PAX7: variants seen among roughly 807,000 people sequenced by gnomAD.
The protein encoded by PAX7 is paired box 7.
PAX7 carries 18 observed loss-of-function variants against 50.7 expected under a neutral mutation model. That is an observed-to-expected ratio of 0.36 (90% CI 0.25 to 0.53). PAX7 has a LOEUF of 0.53. Ranked by LOEUF, PAX7 falls within the 20% of genes least tolerant of loss-of-function variation. The pLI is 0.93. For synonymous variants in PAX7, 310 were observed against 290.4 expected (o/e 1.07, Z -0.69); for missense variants, 644 against 702.9 (o/e 0.92, Z 0.95).
chr1:18,746,393 T>C lies in PAX7; in HGVS notation c.*1464T>C, dbSNP rs1403839826. The C allele has an allele frequency of 4.3e-6, 1 of 230,728 alleles. No homozygotes were observed. Among genetic ancestry groups the C allele is most frequent in the Admixed American group, 5.7e-5 (1 of 17,686 alleles). 14.3% of individuals were successfully genotyped at this position (230,728 alleles called of 1,614,324 possible). A position where few individuals can be genotyped will look rare whatever the true frequency, so the allele number is the denominator to read the frequency against. ...CAGTGGCCTCCTGAAGTTCCATGCT[T>C]TTAAGAGCTGGGACCTTGGGAGGAT... On this transcript the variant is annotated 3_prime_UTR_variant, in exon 9 of 9. Coordinates refer to ENST00000420770, the MANE Select transcript of PAX7 (RefSeq NM_001135254.2).
chr1:18,688,782 T>C lies in PAX7; in HGVS notation c.587-2972T>C, dbSNP rs186790692. Reference sequence around the variant, plus strand: ...TACAAAAATTAGCTGGCCATGGTGGTGTGTGCCTGTAGTCCCAGCTACTCG... The same window carrying C: ...TACAAAAATTAGCTGGCCATGGTGGCGTGTGCCTGTAGTCCCAGCTACTCG... On this transcript the variant is annotated intron_variant, in intron 4 of 8. Transcript: ENST00000420770. Among the ~76,000 whole-genome samples the C allele has an allele frequency of 2.5e-3, 378 of 152,200 alleles. 3 individuals carry two copies. In the South Asian group the frequency reaches 0.029, roughly 12 times the overall value.
intron 5 of PAX7, among the ~76,000 whole-genome samples, chr1:18,694,948 T>C (rs1357150164): frequency 6.6e-6 from 1 of 152,210 alleles, no homozygotes; most frequent in Non-Finnish European, 1.5e-5. Context: ...CTGCTTACAT[T>C]GTATGGCTTC....
chr1:18,721,786 T>C (rs1188754109), intron 7 of PAX7, among the ~76,000 whole-genome samples: 1 of 152,228 alleles, frequency 6.6e-6, no homozygotes, highest in African/African-American at 2.4e-5. Context: ...ACACACAGGC[T>C]TCAGCAACTT....
At chr1:18,678,006 C>T (rs2088847508) in intron 4 of PAX7, among the ~76,000 whole-genome samples, 1 of 150,936 alleles carries the variant, frequency 6.6e-6, no homozygotes, top group Admixed American at 6.6e-5. Flanking sequence ...TGCTTCAACC[C>T]AGGAGGTGGA....
At chr1:18,731,055 G>A (rs1355514842) in intron 7 of PAX7, among the ~76,000 whole-genome samples, 1 of 152,170 alleles carries the variant, frequency 6.6e-6, no homozygotes, top group Non-Finnish European at 1.5e-5. Flanking sequence ...TTTTGAGTTA[G>A]TAACGGTAAC....
At chr1:18,683,750 G>C (rs1277098594) in intron 4 of PAX7, among the ~76,000 whole-genome samples, 1 of 152,226 alleles carries the variant, frequency 6.6e-6, no homozygotes, top group Non-Finnish European at 1.5e-5. Flanking sequence ...TAAGGCATGA[G>C]AATCACTTGA....
At chr1:18,712,389 C>A (rs1346344645) in intron 7 of PAX7, among the ~76,000 whole-genome samples, 3 of 152,238 alleles carry the variant, frequency 2.0e-5, no homozygotes, top group African/African-American at 7.2e-5. Context: ...CACAAGGGAG[C>A]GGCCTGGGCA....
chr1:18,673,094 G>A (rs192072889), intron 4 of PAX7, among the ~76,000 whole-genome samples: 251 of 152,254 alleles, frequency 1.6e-3, no homozygotes, highest in Middle Eastern at 3.4e-3. Flanking sequence ...GGTCTGTAGC[G>A]TGGGTTCCGA....
chr1:18,637,792 G>T (rs921922315), intron 4 of PAX7, among the ~76,000 whole-genome samples: 4 of 152,256 alleles, frequency 2.6e-5, no homozygotes, highest in Non-Finnish European at 5.9e-5. Flanking sequence ...TGACAGACAG[G>T]GCCCCTAGTG....
At position 18,748,422 on chromosome 1, in the gene PAX7, C is replaced by T. The variant is rs1206742756; in HGVS notation, c.*3493C>T. On this transcript the variant is annotated 3_prime_UTR_variant, in exon 9 of 9. Coordinates refer to ENST00000420770, the MANE Select transcript of PAX7 (RefSeq NM_001135254.2). The stretch of plus-strand genomic sequence containing the variant: ...TTTGGGGGTACACAGGTCTTCTCTC[C>T]TCCCCTCCTGCAGAGGCACCAAAAC... 1 of 231,836 alleles carries T rather than the reference C, an allele frequency of 4.3e-6. No homozygotes were observed. The allele number at this position is 231,836 out of a possible 1,614,324, so 14.4% of individuals were successfully genotyped here.
intron 4 of PAX7, among the ~76,000 whole-genome samples, chr1:18,640,461 G>A (rs2088233843): frequency 7.1e-6 from 1 of 140,624 alleles, no homozygotes; most frequent in Admixed American, 7.5e-5. Flanking sequence ...CGGGATCTTC[G>A]AAAACCAGGA....
At chr1:18,728,323 C>T (rs967579693) in intron 7 of PAX7, among the ~76,000 whole-genome samples, 2 of 151,774 alleles carry the variant, frequency 1.3e-5, no homozygotes, top group Admixed American at 6.6e-5. Context: ...TCTGTCTGTT[C>T]GTGTTGGCGT....
At chr1:18,717,889 G>A (rs757941641) in intron 7 of PAX7, among the ~76,000 whole-genome samples, 1 of 152,216 alleles carries the variant, frequency 6.6e-6, no homozygotes, top group African/African-American at 2.4e-5. Flanking sequence ...CCAGAGAGGA[G>A]GGAGGCCTAG....
At chr1:18,644,481 T>C (rs950108309) in intron 4 of PAX7, among the ~76,000 whole-genome samples, 1 of 152,154 alleles carries the variant, frequency 6.6e-6, no homozygotes, top group Admixed American at 6.5e-5. Flanking sequence ...AAAATAATTC[T>C]AAAACCTTGC....
rs1461201767 is a variant in PAX7, at chr1:18,745,015, C to A, written c.*86C>A. The A allele has an allele frequency of 5.1e-6, 4 of 781,914 alleles. No homozygotes were observed. Among genetic ancestry groups the A allele is most frequent in the East Asian group, 2.7e-5 (1 of 37,226 alleles). 48.4% of individuals were successfully genotyped at this position (781,914 alleles called of 1,614,324 possible). A position where few individuals can be genotyped will look rare whatever the true frequency, so the allele number is the denominator to read the frequency against. On this transcript the variant is annotated 3_prime_UTR_variant, in exon 9 of 9. Coordinates refer to ENST00000420770, the MANE Select transcript of PAX7 (RefSeq NM_001135254.2). ...TTCCCAGCCTTGCCGCCTCACCCCC[C>A]TGTTGTCCTAGGAGGCCAGGAAAGG... is the stretch of plus-strand genomic sequence containing the variant.
chr1:18,729,107 A>C (rs894315545), intron 7 of PAX7, among the ~76,000 whole-genome samples: 2 of 152,232 alleles, frequency 1.3e-5, no homozygotes, highest in Non-Finnish European at 2.9e-5. Context: ...GCCTGGGGAC[A>C]GTTCTTGGTC....
intron 4 of PAX7, among the ~76,000 whole-genome samples, chr1:18,645,266 C>T (rs1277957193): frequency 6.6e-6 from 1 of 152,160 alleles, no homozygotes; most frequent in South Asian, 2.1e-4. Flanking sequence ...TGCTTCGCCA[C>T]GGGTTCGAGG....
chr1:18,727,939 C>T (rs933941178), intron 7 of PAX7, among the ~76,000 whole-genome samples: 16 of 151,584 alleles, frequency 1.1e-4, no homozygotes, highest in African/African-American at 2.9e-4. Flanking sequence ...AGTCAGCACC[C>T]GAAGCCTATT....
chr1:18,704,387 G>A (rs557829851), intron 7 of PAX7, among the ~76,000 whole-genome samples: 225 of 152,294 alleles, frequency 1.5e-3, no homozygotes, highest in African/African-American at 5.1e-3. Context: ...TTGGGAGGCC[G>A]AGGCGGGTGG....
Sources: allele counts gnomAD v4.1 joint callset (sites outside exome capture counted in the v4.1 genomes callset), GRCh38; gene constraint gnomAD v4.1.1; transcripts MANE v1.5; gene names NCBI Gene and HGNC (gene_info 2026-07-23, HGNC 2026-07-21).